Variants in NEGR1 observed in about 807,000 individuals in gnomAD.
The protein encoded by NEGR1 is IgLON family member 4.
In NEGR1, 10 loss-of-function variants were observed where a neutral mutation model predicts 40.9. That is an observed-to-expected ratio of 0.24 (90% CI 0.15 to 0.42). NEGR1 has a LOEUF of 0.42. Among genes scored for constraint, NEGR1 ranks in the 10% least tolerant of loss-of-function variants. The pLI, the probability that NEGR1 is intolerant of heterozygous loss-of-function variation, is 1.00. For synonymous variants in NEGR1, 185 were observed against 166.8 expected (o/e 1.11, Z -0.84); for missense variants, 352 against 438.9 (o/e 0.80, Z 1.77).
chr1:72,021,506 T>C (rs934749198), intron 1 of NEGR1, among the ~76,000 whole-genome samples: 4 of 151,934 alleles, frequency 2.6e-5, no homozygotes, highest in Admixed American at 6.6e-5. Context: ...GCTGGCAAAG[T>C]TAATAAATCG....
intron 3 of NEGR1, among the ~76,000 whole-genome samples, chr1:71,700,990 C>G (rs537407487): frequency 6.6e-6 from 1 of 151,956 alleles, no homozygotes; most frequent in Admixed American, 6.6e-5. Flanking sequence ...AAAGCTGTGG[C>G]CTCTGGAAAC....
intron 1 of NEGR1, among the ~76,000 whole-genome samples, chr1:72,059,915 G>T (rs914392420): frequency 1.3e-5 from 2 of 151,602 alleles, no homozygotes; most frequent in Admixed American, 1.3e-4. Flanking sequence ...AAACATCCCT[G>T]CTTGATTTGT....
At chr1:71,753,655 A>T (rs1403632165) in intron 3 of NEGR1, among the ~76,000 whole-genome samples, 1 of 152,172 alleles carries the variant, frequency 6.6e-6, no homozygotes, top group Non-Finnish European at 1.5e-5. Flanking sequence ...TCTAGTGGTT[A>T]TACATTCCCT....
At chr1:71,739,893 G>T (rs968910878) in intron 3 of NEGR1, among the ~76,000 whole-genome samples, 5 of 152,146 alleles carry the variant, frequency 3.3e-5, no homozygotes, top group Admixed American at 3.3e-4. Context: ...TAAAAACAAA[G>T]TCTAGAATCT....
chr1:71,898,891 T>TATA (rs1344878480), intron 2 of NEGR1, among the ~76,000 whole-genome samples: 2 of 135,198 alleles, frequency 1.5e-5, no homozygotes, highest in Non-Finnish European at 3.1e-5. Context: ...AATATATATA[T>TATA]ATTGCAAATA....
At chr1:72,064,372 A>G (rs186612521) in intron 1 of NEGR1, among the ~76,000 whole-genome samples, 2 of 152,208 alleles carry the variant, frequency 1.3e-5, no homozygotes, top group Admixed American at 1.3e-4. Flanking sequence ...AGAGGAGCTG[A>G]GGATCCTTTA....
intron 4 of NEGR1, among the ~76,000 whole-genome samples, chr1:71,649,585 A>G (rs1009769240): frequency 7.9e-5 from 12 of 152,160 alleles, no homozygotes; most frequent in African/African-American, 2.9e-4. Context: ...GAAAAACAGT[A>G]TGCAGAAAAT....
At chr1:71,968,782 C>G (rs1484801894) in intron 1 of NEGR1, among the ~76,000 whole-genome samples, 2 of 151,312 alleles carry the variant, frequency 1.3e-5, no homozygotes, top group Admixed American at 6.6e-5. Context: ...TATAGGTACT[C>G]TACATGATGG....
At chr1:71,636,922 G>A (rs1641968535) in intron 4 of NEGR1, among the ~76,000 whole-genome samples, 2 of 152,016 alleles carry the variant, frequency 1.3e-5, no homozygotes, top group South Asian at 4.2e-4. Context: ...TTGAAGTCAC[G>A]GGAAAGACTG....
chr1:71,786,577 C>A (rs1357086113), intron 2 of NEGR1, among the ~76,000 whole-genome samples: 3 of 152,128 alleles, frequency 2.0e-5, no homozygotes, highest in Non-Finnish European at 4.4e-5. Context: ...TACTGAGAGA[C>A]TAATGACTTA....
intron 1 of NEGR1, among the ~76,000 whole-genome samples, chr1:72,250,996 T>G (rs2100530080): frequency 6.6e-6 from 1 of 152,236 alleles, no homozygotes; most frequent in South Asian, 2.1e-4. Context: ...GACTGAAAAA[T>G]TTATGAACTC....
At chr1:72,142,979 A>G (rs1292056375) in intron 1 of NEGR1, among the ~76,000 whole-genome samples, 2 of 151,954 alleles carry the variant, frequency 1.3e-5, no homozygotes, top group Admixed American at 1.3e-4. Flanking sequence ...AAACCAAAGG[A>G]GAAATTTCTA....
chr1:71,911,718 A>G, intron 2 of NEGR1, among the ~76,000 whole-genome samples: 1 of 152,218 alleles, frequency 6.6e-6, no homozygotes, highest in African/African-American at 2.4e-5. Flanking sequence ...CCCAAAATAA[A>G]CAGGTATATT....
chr1:71,514,215 G>A (rs1647101577), intron 6 of NEGR1, among the ~76,000 whole-genome samples: 1 of 101,220 alleles, frequency 9.9e-6, no homozygotes, highest in Admixed American at 1.1e-4. Context: ...ACTGGGTGGA[G>A]CCCACCACAG....
chr1:71,908,534 C>A (rs1212092270), intron 2 of NEGR1, among the ~76,000 whole-genome samples: 2 of 152,092 alleles, frequency 1.3e-5, no homozygotes, highest in Non-Finnish European at 2.9e-5. Flanking sequence ...GAAGGCAGAC[C>A]ACTCAAATCA....
At chr1:72,103,783 T>C (rs1649030695) in intron 1 of NEGR1, among the ~76,000 whole-genome samples, 1 of 151,898 alleles carries the variant, frequency 6.6e-6, no homozygotes, top group Non-Finnish European at 1.5e-5. Flanking sequence ...CCATCCCTAG[T>C]AGGGAAGTGG....
chr1:71,901,560 T>C lies in NEGR1; in HGVS notation c.409+33519A>G, dbSNP rs1378552770. On this transcript the variant is annotated intron_variant, in intron 2 of 6. Coordinates refer to ENST00000357731, the MANE Select transcript of NEGR1 (RefSeq NM_173808.3). ...TTGGCTTAGAGAAGATAAAACAACCTTTAAAATGGGCCCCTGGGGTTAGAG... is the reference window on the plus strand; with the variant it reads ...TTGGCTTAGAGAAGATAAAACAACCCTTAAAATGGGCCCCTGGGGTTAGAG... 3.9e-5 allele frequency among the ~76,000 whole-genome samples: 6 copies of C among 152,200 alleles called. No individual in the cohort carries two copies. In the South Asian group the frequency reaches 8.3e-4, roughly 21 times the overall value.
At chr1:71,936,064 G>T (rs997106745) in intron 1 of NEGR1, among the ~76,000 whole-genome samples, 1 of 152,118 alleles carries the variant, frequency 6.6e-6, no homozygotes, top group African/African-American at 2.4e-5. Context: ...CTCCCAAAGT[G>T]CTGGGATTAC....
At chr1:72,071,339 C>A (rs1340234823) in intron 1 of NEGR1, among the ~76,000 whole-genome samples, 1 of 151,904 alleles carries the variant, frequency 6.6e-6, no homozygotes, top group African/African-American at 2.4e-5. Flanking sequence ...CTAATTCTAC[C>A]AATATTGCCA....
Sources: gnomAD v4.1 joint callset for allele counts (sites outside exome capture counted in the v4.1 genomes callset) on GRCh38, gnomAD v4.1.1 for gene constraint, MANE v1.5 for transcripts, NCBI Gene and HGNC (gene_info 2026-07-23, HGNC 2026-07-21) for gene names.